Variants in SMPDL3A observed in about 807,000 individuals in gnomAD.
SMPDL3A encodes cyclic GMP-AMP phosphodiesterase SMPDL3A.
SMPDL3A carries 39 observed loss-of-function variants against 38.5 expected under a neutral mutation model. The observed-to-expected ratio is 1.01, with a 90% confidence interval of 0.78 to 1.32. SMPDL3A has a LOEUF of 1.32. SMPDL3A is among the 40% of genes most tolerant of loss of function. The pLI, the probability that SMPDL3A is intolerant of heterozygous loss-of-function variation, is 0.00. For missense variants in SMPDL3A, 502 were observed against 536.2 expected (o/e 0.94, Z 0.63); for synonymous variants, 180 against 194.3 (o/e 0.93, Z 0.61).
chr6:122,807,368 G>A (rs1781661920), intron 7 of SMPDL3A, among the ~76,000 whole-genome samples: 1 of 152,122 alleles, frequency 6.6e-6, no homozygotes, highest in South Asian at 2.1e-4. Flanking sequence ...GCGTGGCGGC[G>A]GGTGCCTGTA....
rs1019262131 is a variant in SMPDL3A, at chr6:122,789,283, G to A, written c.-64G>A. 1 of 1,208,130 alleles carries A rather than the reference G, an allele frequency of 8.3e-7. No homozygotes were observed. The highest frequency in any genetic ancestry group is 1.2e-6 in the Non-Finnish European group (1 of 861,110). The allele number at this position is 1,208,130 out of a possible 1,614,324, so 74.8% of individuals were successfully genotyped here. A position where few individuals can be genotyped will look rare whatever the true frequency, so the allele number is the denominator to read the frequency against. Reference sequence around the variant, plus strand: ...GTCTTCTGTCTCCGCCTCACCCTCAGGCCTGACGGTCCGAGTGGAGCTGCG... The same window carrying A: ...GTCTTCTGTCTCCGCCTCACCCTCAAGCCTGACGGTCCGAGTGGAGCTGCG... On this transcript the variant is annotated 5_prime_UTR_variant, in exon 1 of 8. Transcript: ENST00000368440.
At position 122,803,891 on chromosome 6, in the gene SMPDL3A, T is replaced by C. The variant is rs1441562902; in HGVS notation, c.738+58T>C. The C allele has an allele frequency of 4.7e-6, 7 of 1,487,340 alleles. No individual in the cohort carries two copies. The Admixed American group carries it at 1.3e-4, about 27-fold the overall frequency. 92.1% of individuals were successfully genotyped at this position (1,487,340 alleles called of 1,614,324 possible). ...AAACGGAAGGCAAAATTTGTATGTT[T>C]ATTAAACTCGGGGTAGACTCCAGTA... On this transcript the variant is annotated intron_variant, in intron 5 of 7. Transcript: ENST00000368440.
At chr6:122,791,762 C>T (rs1389847368) in intron 1 of SMPDL3A, among the ~76,000 whole-genome samples, 2 of 152,162 alleles carry the variant, frequency 1.3e-5, no homozygotes, top group East Asian at 3.8e-4. Context: ...GGCGCAATCT[C>T]GGCTCACTGC....
chr6:122,795,628 T>C (rs1255100142), intron 1 of SMPDL3A, 49 bp from the exon 2 acceptor site: 1 of 1,390,894 alleles, frequency 7.2e-7, no homozygotes, highest in Non-Finnish European at 1.0e-6. Flanking sequence ...TTATGAGAAT[T>C]CCAAAAGAGA....
Position 122,809,183 on chromosome 6 carries a change from C to A in SMPDL3A, c.1137C>A (p.Asp379Glu). 6.2e-7 allele frequency: 1 copy of A among 1,614,108 alleles called. No individual in the cohort carries two copies. The highest frequency in any genetic ancestry group is 1.1e-5 in the South Asian group (1 of 91,074). ...KLEYILTQTY[D>E]IEDLQPESLY... ...AGTATATCCTGACCCAGACCTACGA[C>A]ATTGAAGATTTGCAGCCGGAAAGTT... The change falls in exon 8 of 8, where the codon GAC (aspartate) becomes GAA (glutamate). Residue 379 changes from aspartate (D) to glutamate (E), a missense_variant. Physicochemically the swap from Asp to Glu is conservative, Grantham distance 45. Coordinates refer to ENST00000368440, the MANE Select transcript of SMPDL3A (RefSeq NM_006714.5).
intron 7 of SMPDL3A, among the ~76,000 whole-genome samples, chr6:122,807,462 G>A (rs570794581): frequency 4.5e-4 from 68 of 152,284 alleles, no homozygotes; most frequent in Admixed American, 1.2e-3. Flanking sequence ...TTGCGCCACT[G>A]CACTCCAGCC....
At chr6:122,791,564 A>T (rs2115157945) in intron 1 of SMPDL3A, among the ~76,000 whole-genome samples, 1 of 152,204 alleles carries the variant, frequency 6.6e-6, no homozygotes, top group East Asian at 1.9e-4. Flanking sequence ...ACTATGGTTC[A>T]TTGGATTCTT....
Position 122,805,017 on chromosome 6 carries a change from A to G in SMPDL3A, c.847A>G (p.Ser283Gly). 2.5e-6 allele frequency: 4 copies of G among 1,613,580 alleles called. No homozygotes were observed. The highest frequency in any genetic ancestry group is 2.5e-6 in the Non-Finnish European group (3 of 1,179,848). ...EKLIDIFQKY[S>G]DVIAGQFYGH... Reference sequence around the variant, plus strand: ...ATTGATAGATATTTTTCAAAAATACAGTGATGTCATTGCAGGACAATTTTA... The same window carrying G: ...ATTGATAGATATTTTTCAAAAATACGGTGATGTCATTGCAGGACAATTTTA... The change falls in exon 6 of 8, where the codon AGT becomes GGT. Residue 283 changes from serine (S) to glycine (G), a missense_variant. Physicochemically the swap from Ser to Gly is moderately conservative, Grantham distance 56. Transcript: ENST00000368440.
rs1330205479 is a variant in SMPDL3A at position 122,795,679 on chromosome 6, C to A, written c.115C>A (p.Gln39Lys). 1.2e-6 allele frequency: 2 copies of A among 1,611,260 alleles called. No individual in the cohort carries two copies. The highest frequency in any genetic ancestry group is 2.2e-5 in the South Asian group (2 of 90,582). Residue 39 changes from glutamine (Q) to lysine (K), a missense_variant and splice_region_variant, in exon 2 of 8, where the codon CAG becomes AAG. Gln to Lys is a moderately conservative substitution (Grantham distance 53). Coordinates refer to ENST00000368440, the MANE Select transcript of SMPDL3A (RefSeq NM_006714.5). Reference protein sequence around the residue: ...GGRNPPPAIGQFWHVTDLHLD... With the variant: ...GGRNPPPAIGKFWHVTDLHLD... ...TGCATTTTTTGTGTAATCAACAGGACAGTTTTGGCATGTGACTGACTTACA... is the reference window on the plus strand; with the variant it reads ...TGCATTTTTTGTGTAATCAACAGGAAAGTTTTGGCATGTGACTGACTTACA...
chr6:122,803,504 A>C (rs73768901), intron 4 of SMPDL3A, among the ~76,000 whole-genome samples, 160 bp from the exon 5 acceptor site: 1,986 of 152,312 alleles, frequency 0.013, 61 homozygotes, highest in African/African-American at 0.046. Context: ...TGCTTGCTAA[A>C]TCTGATTCTT....
chr6:122,806,408 G>A (rs751524928), intron 7 of SMPDL3A, 51 bp downstream of exon 7: 1 of 1,538,520 alleles, frequency 6.5e-7, no homozygotes, highest in South Asian at 1.2e-5. Context: ...TATCTTTGCA[G>A]TTTTCATTAA....
At position 122,789,295 on chromosome 6, in the gene SMPDL3A, C is replaced by A; in HGVS notation, c.-52C>A. 1 of 1,324,072 alleles carries A rather than the reference C, an allele frequency of 7.6e-7. No homozygotes were observed. Among genetic ancestry groups the A allele is most frequent in the Non-Finnish European group, 1.0e-6 (1 of 962,356 alleles). 82.0% of individuals were successfully genotyped at this position (1,324,072 alleles called of 1,614,324 possible). ...CGCCTCACCCTCAGGCCTGACGGTC[C>A]GAGTGGAGCTGCGGGACAGCCCGAA... On this transcript the variant is annotated 5_prime_UTR_variant, in exon 1 of 8. Coordinates refer to ENST00000368440, the MANE Select transcript of SMPDL3A (RefSeq NM_006714.5).
chr6:122,805,801 G>T (rs1333147986), intron 6 of SMPDL3A, among the ~76,000 whole-genome samples: 1 of 152,012 alleles, frequency 6.6e-6, no homozygotes, highest in Admixed American at 6.6e-5. Flanking sequence ...CACCATGTTG[G>T]CCAGGAAGGT....
intron 2 of SMPDL3A, 47 bp from the exon 3 acceptor site, chr6:122,796,777 T>C (rs1781260299): frequency 4.5e-6 from 7 of 1,564,812 alleles, no homozygotes; most frequent in Non-Finnish European, 6.1e-6. Flanking sequence ...GTCTAGTAAC[T>C]CTTTATGAAA....
At position 122,806,369 on chromosome 6, in the gene SMPDL3A, G is replaced by T. The variant is rs1162265732; in HGVS notation, c.1044+12G>T. ...ATTATAAATTATTGGTAAGTTGGCA[G>T]ATTTCAGAGCTGACCCCATATTTAT... On this transcript the variant is annotated intron_variant, in intron 7 of 7. Transcript: ENST00000368440. 2 of 1,598,268 alleles carry T rather than the reference G, an allele frequency of 1.3e-6. No individual in the cohort carries two copies. Among genetic ancestry groups the T allele is most frequent in the South Asian group, 1.1e-5 (1 of 87,798 alleles).
chr6:122,797,288 C>T (rs1346426077), intron 3 of SMPDL3A: 1 of 231,280 alleles, frequency 4.3e-6, no homozygotes, highest in African/African-American at 2.3e-5. Flanking sequence ...GGTTCATTTG[C>T]ATGTCCATGA....
chr6:122,795,999 T>C (rs1289997078), intron 2 of SMPDL3A, 109 bp downstream of exon 2: 2 of 830,944 alleles, frequency 2.4e-6, no homozygotes, highest in Non-Finnish European at 1.8e-6. Context: ...TTAAGAGTTA[T>C]TTGAGTTAAA....
In SMPDL3A at chr6:122,789,444, C is replaced by T; in HGVS notation, c.98C>T (p.Pro33Leu). Residue 33 changes from proline to leucine, a missense_variant, in exon 1 of 8, where the codon CCT becomes CTT. Transcript: ENST00000368440. ...GTGGCGCCCGCAGGCGGCAGGAATCCTCCTCCGGCGATAGGTGAGTTGTCC... is the reference window on the plus strand; with the variant it reads ...GTGGCGCCCGCAGGCGGCAGGAATCTTCCTCCGGCGATAGGTGAGTTGTCC... ...LPVAPAGGRN[P>L]PPAIGQFWHV... is the part of the protein sequence containing the mutation. The T allele has an allele frequency of 4.5e-6, 7 of 1,549,224 alleles. No individual in the cohort carries two copies. The highest frequency in any genetic ancestry group is 1.4e-5 in the African/African-American group (1 of 73,102).
chr6:122,804,232 C>T (rs951603388), intron 5 of SMPDL3A, among the ~76,000 whole-genome samples: 2 of 151,976 alleles, frequency 1.3e-5, no homozygotes, highest in Non-Finnish European at 2.9e-5. Context: ...GGTGATCCAC[C>T]CACCTCGGCC....
Sources: allele counts gnomAD v4.1 joint callset (sites outside exome capture counted in the v4.1 genomes callset), GRCh38; gene constraint gnomAD v4.1.1; transcripts MANE v1.5; gene names NCBI Gene and HGNC (gene_info 2026-07-23, HGNC 2026-07-21).